Variants in CTNNA2 observed in about 807,000 individuals in gnomAD.
CTNNA2 encodes the protein catenin alpha-2.
Under a neutral mutation model 101.0 loss-of-function variants are expected in CTNNA2, and 42 were observed. That is an observed-to-expected ratio of 0.42 (90% CI 0.32 to 0.54). The LOEUF is 0.54. Among genes scored for constraint, CTNNA2 ranks in the 20% least tolerant of loss-of-function variants. The probability of loss-of-function intolerance (pLI) is 0.14; values close to 1 mark genes in which losing one functional copy is unlikely to be tolerated. For missense variants in CTNNA2, 871 were observed against 1,223.1 expected (o/e 0.71, Z 4.29); for synonymous variants, 450 against 456.4 (o/e 0.99, Z 0.18).
At chr2:80,623,069 T>C (rs1301370929) in intron 18 of CTNNA2, among the ~76,000 whole-genome samples, 1 of 110,220 alleles carries the variant, frequency 9.1e-6, no homozygotes, top group Admixed American at 9.2e-5. Context: ...AAAAAAAAAG[T>C]TCAAGCAGAA....
At chr2:79,880,393 T>C (rs1406602470) in intron 6 of CTNNA2, among the ~76,000 whole-genome samples, 1 of 152,178 alleles carries the variant, frequency 6.6e-6, no homozygotes, top group African/African-American at 2.4e-5. Flanking sequence ...AAAGGAAGGG[T>C]ACCATCTTCT....
intron 1 of CTNNA2, 57 bp from the exon 2 acceptor site, chr2:79,651,493 CAA>C (rs954328410): frequency 1.3e-6 from 2 of 1,505,676 alleles, no homozygotes; most frequent in Admixed American, 3.4e-5. Flanking sequence ...TTTGAATCAC[CAA>C]AGTTACAATT....
chr2:80,185,272 C>T (rs748080001), intron 7 of CTNNA2, among the ~76,000 whole-genome samples: 1 of 152,140 alleles, frequency 6.6e-6, no homozygotes, highest in Non-Finnish European at 1.5e-5. Flanking sequence ...TAGGTCAGCT[C>T]GCAACATGGT....
At chr2:80,373,273 T>C (rs551232276) in intron 7 of CTNNA2, among the ~76,000 whole-genome samples, 5 of 152,226 alleles carry the variant, frequency 3.3e-5, no homozygotes, top group African/African-American at 7.2e-5. Context: ...CAGCTTTGCA[T>C]GTATTTCTTC....
intron 7 of CTNNA2, among the ~76,000 whole-genome samples, chr2:80,148,288 A>G (rs1703478862): frequency 6.6e-6 from 1 of 152,254 alleles, no homozygotes. Context: ...AAGTAGCATC[A>G]GCAGCAAAGA....
At chr2:79,195,124 A>T (rs2104167832) in intron 1 of CTNNA2, among the ~76,000 whole-genome samples, 1 of 152,276 alleles carries the variant, frequency 6.6e-6, no homozygotes, top group African/African-American at 2.4e-5. Flanking sequence ...CAGTGATCCC[A>T]TCTCTGCGTG....
intron 1 of CTNNA2, among the ~76,000 whole-genome samples, chr2:79,565,634 C>G (rs950362278): frequency 6.6e-6 from 1 of 152,060 alleles, no homozygotes; most frequent in Non-Finnish European, 1.5e-5. Context: ...TTCACTCATG[C>G]TAGTGGTAAG....
intron 7 of CTNNA2, among the ~76,000 whole-genome samples, chr2:80,111,622 G>A (rs1295886774): frequency 6.6e-6 from 1 of 152,086 alleles, no homozygotes; most frequent in Non-Finnish European, 1.5e-5. Context: ...GCTCACTGCA[G>A]CCTCAAACTC....
intron 7 of CTNNA2, among the ~76,000 whole-genome samples, chr2:80,291,066 A>G (rs1399789362): frequency 6.6e-6 from 1 of 152,216 alleles, no homozygotes; most frequent in South Asian, 2.1e-4. Context: ...CCCAAAGAAC[A>G]AGGTGTGGCT....
chr2:80,486,869 A>T (rs897262628), intron 9 of CTNNA2, among the ~76,000 whole-genome samples: 24 of 152,122 alleles, frequency 1.6e-4, no homozygotes, highest in Non-Finnish European at 3.1e-4. Flanking sequence ...CTCATCTACT[A>T]ATGTCCTTTT....
intron 7 of CTNNA2, among the ~76,000 whole-genome samples, chr2:79,951,915 A>G (rs145334929): frequency 6.6e-6 from 1 of 152,034 alleles, no homozygotes; most frequent in Non-Finnish European, 1.5e-5. Flanking sequence ...TGACAATTGC[A>G]TGTGCATTTC....
At chr2:79,369,552 C>A (rs1027234529) in intron 3 of CTNNA2, among the ~76,000 whole-genome samples, 1 of 152,160 alleles carries the variant, frequency 6.6e-6, no homozygotes, top group African/African-American at 2.4e-5. Flanking sequence ...GTGACAGGCA[C>A]CTGCTCAGCA....
At chr2:80,390,086 A>T (rs920452203) in intron 7 of CTNNA2, among the ~76,000 whole-genome samples, 3 of 152,148 alleles carry the variant, frequency 2.0e-5, no homozygotes, top group Admixed American at 6.5e-5. Flanking sequence ...GGCTCATTTC[A>T]CTCACTGCCT....
chr2:79,985,922 C>G (rs1215080454), intron 7 of CTNNA2, among the ~76,000 whole-genome samples: 1 of 152,154 alleles, frequency 6.6e-6, no homozygotes, highest in Non-Finnish European at 1.5e-5. Context: ...TCCTTATTCC[C>G]TCTAGGGGAC....
intron 7 of CTNNA2, among the ~76,000 whole-genome samples, chr2:80,030,963 C>T (rs1277475003): frequency 1.3e-5 from 2 of 152,070 alleles, no homozygotes; most frequent in Non-Finnish European, 2.9e-5. Context: ...TTATTCTATC[C>T]AGTGATGGAA....
intron 2 of CTNNA2, among the ~76,000 whole-genome samples, chr2:79,257,766 G>A (rs1558589319): frequency 6.6e-6 from 1 of 151,044 alleles, no homozygotes; most frequent in Non-Finnish European, 1.5e-5. Context: ...GGCTGTTCAA[G>A]TTTCCCAGGG....
chr2:79,956,031 T>G (rs1689201658), intron 7 of CTNNA2, among the ~76,000 whole-genome samples: 1 of 152,252 alleles, frequency 6.6e-6, no homozygotes, highest in Admixed American at 6.5e-5. Context: ...CTGTTTATGC[T>G]TAAACTGCTG....
chr2:79,626,801 T>G (rs11890836), intron 1 of CTNNA2, among the ~76,000 whole-genome samples: 12,091 of 151,938 alleles, frequency 0.08, 566 homozygotes, highest in African/African-American at 0.12. Context: ...TTTAGAATGG[T>G]TGCTGTGGAG....
intron 9 of CTNNA2, among the ~76,000 whole-genome samples, chr2:80,423,086 C>T (rs1458533587): frequency 6.6e-6 from 1 of 151,980 alleles, no homozygotes; most frequent in Non-Finnish European, 1.5e-5. Flanking sequence ...AGTATGCTCT[C>T]TTTTTTCCTT....
Sources: gnomAD v4.1 joint callset for allele counts (sites outside exome capture counted in the v4.1 genomes callset) on GRCh38, gnomAD v4.1.1 for gene constraint, MANE v1.5 for transcripts, NCBI Gene and HGNC (gene_info 2026-07-23, HGNC 2026-07-21) for gene names.